Variants in RGS7 observed in about 807,000 individuals in gnomAD.
RGS7 encodes the protein regulator of G-protein signaling 7.
In RGS7, 27 loss-of-function variants were observed where a neutral mutation model predicts 81.1. The ratio of observed to expected loss-of-function variants is 0.33; its 90% confidence interval spans 0.25 to 0.46. The LOEUF (loss-of-function observed/expected upper bound fraction) is 0.46, where lower values mean the gene tolerates loss of function less well. Ranked by LOEUF, RGS7 falls within the 20% of genes least tolerant of loss-of-function variation. The probability of loss-of-function intolerance (pLI) is 1.00; values close to 1 mark genes in which losing one functional copy is unlikely to be tolerated. For missense variants in RGS7, 396 were observed against 607.4 expected, an observed-to-expected ratio of 0.65 and a Z score of 3.66; for synonymous variants, 208 against 207.7, an observed-to-expected ratio of 1.00 and a Z score of -0.01.
intron 3 of RGS7, among the ~76,000 whole-genome samples, chr1:241,066,453 C>T (rs564734876): frequency 2.6e-5 from 4 of 152,320 alleles, no homozygotes; most frequent in African/African-American, 9.6e-5. Context: ...AGTTGAAGAT[C>T]TCAATTTCTG....
At chr1:241,087,823 C>T (rs549081355) in intron 3 of RGS7, among the ~76,000 whole-genome samples, 1 of 151,906 alleles carries the variant, frequency 6.6e-6, no homozygotes, top group South Asian at 2.1e-4. Flanking sequence ...GCAGTGCATG[C>T]CTGTAATCCC....
chr1:241,108,096 CAACATGGTGAA>C (rs68016256), intron 2 of RGS7, among the ~76,000 whole-genome samples: 80,122 of 151,572 alleles, frequency 0.53, 24,978 homozygotes, highest in African/African-American at 0.88. Flanking sequence ...AGTTTGAGAC[CAACATGGTGAA>C]AGCTTGGCCA....
intron 3 of RGS7, among the ~76,000 whole-genome samples, chr1:241,015,944 A>G (rs536647396): frequency 6.6e-6 from 1 of 152,342 alleles, no homozygotes; most frequent in Non-Finnish European, 1.5e-5. Flanking sequence ...CTACATTAAG[A>G]TAACTCCCAT....
chr1:240,826,367 GTGC>G (rs1480202156), intron 10 of RGS7, among the ~76,000 whole-genome samples: 2 of 152,136 alleles, frequency 1.3e-5, no homozygotes, highest in Non-Finnish European at 2.9e-5. Context: ...AAAATATTGA[GTGC>G]TTACTACAGG....
chr1:241,136,260 C>A lies in RGS7; in HGVS notation c.79-37498G>T, dbSNP rs923699385. The stretch of plus-strand genomic sequence containing the variant: ...CACTGTGCTAAGCTCCTCATTACTT[C>A]AGGAGCTTGATAAAAATACTGATTT... On this transcript the variant is annotated intron_variant, in intron 2 of 18. Transcript: ENST00000440928. 4.2e-4 allele frequency among the ~76,000 whole-genome samples: 64 copies of A among 152,150 alleles called. 1 individual carries two copies. The highest frequency in any genetic ancestry group is 1.4e-3 in the African/African-American group (59 of 41,430).
At chr1:240,871,217 C>G (rs1006791315) in intron 6 of RGS7, among the ~76,000 whole-genome samples, 15 of 152,292 alleles carry the variant, frequency 9.8e-5, no homozygotes, top group Middle Eastern at 3.4e-3. Flanking sequence ...TACATTGTAT[C>G]TGTTCTAGAT....
chr1:241,156,375 G>A (rs1043584967), intron 2 of RGS7, among the ~76,000 whole-genome samples: 2 of 151,574 alleles, frequency 1.3e-5, no homozygotes, highest in African/African-American at 4.9e-5. Flanking sequence ...ACATGGTAAC[G>A]CACACTTGTG....
chr1:240,972,053 T>C (rs371474277), intron 4 of RGS7, among the ~76,000 whole-genome samples: 1 of 152,332 alleles, frequency 6.6e-6, no homozygotes, highest in African/African-American at 2.4e-5. Flanking sequence ...GAAATTGCTC[T>C]AACAAAATGG....
chr1:241,045,319 T>C (rs1005493200), intron 3 of RGS7, among the ~76,000 whole-genome samples: 1 of 152,184 alleles, frequency 6.6e-6, no homozygotes, highest in Non-Finnish European at 1.5e-5. Context: ...AAATTTAACA[T>C]AGGCAAGATA....
intron 2 of RGS7, among the ~76,000 whole-genome samples, chr1:241,103,189 ATACT>A (rs1439596649): frequency 1.3e-5 from 2 of 152,176 alleles, no homozygotes; most frequent in Non-Finnish European, 1.5e-5. Flanking sequence ...GTATATATAT[ATACT>A]TACACACACG....
intron 2 of RGS7, among the ~76,000 whole-genome samples, chr1:241,237,225 C>T (rs1428408504): frequency 6.6e-6 from 1 of 152,192 alleles, no homozygotes; most frequent in Non-Finnish European, 1.5e-5. Context: ...ACACAAAATT[C>T]TTAATCCCAG....
chr1:240,971,915 C>T (rs1683261560), intron 4 of RGS7, among the ~76,000 whole-genome samples: 1 of 152,088 alleles, frequency 6.6e-6, no homozygotes, highest in African/African-American at 2.4e-5. Context: ...TGGTTATTTG[C>T]AAGGGATATT....
At chr1:240,952,124 A>T (rs1238612318) in intron 4 of RGS7, among the ~76,000 whole-genome samples, 1 of 152,138 alleles carries the variant, frequency 6.6e-6, no homozygotes, top group East Asian at 1.9e-4. Context: ...CCTTGCCAGA[A>T]AGGTTACAAA....
At chr1:240,947,038 G>A (rs1341239655) in intron 4 of RGS7, among the ~76,000 whole-genome samples, 1 of 151,984 alleles carries the variant, frequency 6.6e-6, no homozygotes, top group Non-Finnish European at 1.5e-5. Flanking sequence ...ATAAATTCTA[G>A]ATGCTGTAGG....
intron 3 of RGS7, among the ~76,000 whole-genome samples, chr1:240,989,539 C>T (rs1364377677): frequency 6.6e-6 from 1 of 151,998 alleles, no homozygotes; most frequent in Non-Finnish European, 1.5e-5. Context: ...ACTACCAATG[C>T]CAAAATCCTG....
At chr1:240,810,104 A>G (rs1184538928) in intron 14 of RGS7, among the ~76,000 whole-genome samples, 3 of 152,120 alleles carry the variant, frequency 2.0e-5, no homozygotes, top group Admixed American at 6.6e-5. Flanking sequence ...CCCATTGTCC[A>G]GCTCTTAGCC....
chr1:241,192,034 T>C (rs1392177605), intron 2 of RGS7, among the ~76,000 whole-genome samples: 1 of 152,218 alleles, frequency 6.6e-6, no homozygotes, highest in African/African-American at 2.4e-5. Flanking sequence ...CAGGCTTTGC[T>C]AACATGAGCA....
chr1:241,206,860 C>A (rs926406295), intron 2 of RGS7, among the ~76,000 whole-genome samples: 4 of 151,978 alleles, frequency 2.6e-5, no homozygotes, highest in African/African-American at 9.7e-5. Flanking sequence ...CATGGCTCAC[C>A]TTTAATTCTC....
chr1:240,974,796 G>A (rs1207681132), intron 4 of RGS7, among the ~76,000 whole-genome samples: 1 of 151,872 alleles, frequency 6.6e-6, no homozygotes, highest in Non-Finnish European at 1.5e-5. Context: ...CATATTCAGA[G>A]TTTTAAAAAT....
Sources: gnomAD v4.1 joint callset for allele counts (sites outside exome capture counted in the v4.1 genomes callset) on GRCh38, gnomAD v4.1.1 for gene constraint, MANE v1.5 for transcripts, NCBI Gene and HGNC (gene_info 2026-07-23, HGNC 2026-07-21) for gene names.